The following ZBTB41 variants were observed in gnomAD, a reference collection of about 807,000 sequenced individuals.
The protein encoded by ZBTB41 is zinc finger and BTB domain containing 41, also known as zinc finger and BTB domain-containing protein 41.
A neutral mutation model predicts 87.6 loss-of-function variants in ZBTB41; 42 were observed. That is an observed-to-expected ratio of 0.48 (90% CI 0.37 to 0.62). ZBTB41 has a LOEUF of 0.62. ZBTB41 is among the 20% of genes least tolerant of loss of function. The probability of loss-of-function intolerance (pLI) is 0.00; values close to 1 mark genes in which losing one functional copy is unlikely to be tolerated. For missense variants in ZBTB41, 799 were observed against 1,078.9 expected (o/e 0.74, Z 3.63); for synonymous variants, 364 against 364.0 (o/e 1.00, Z 0.00).
At chr1:197,197,534 G>T (rs886311028) in intron 2 of ZBTB41, among the ~76,000 whole-genome samples, 1 of 49,730 alleles carries the variant, frequency 2.0e-5, no homozygotes, top group Non-Finnish European at 5.4e-5. Flanking sequence ...AAAGGAAGGG[G>T]AAGGGGACAG....
In ZBTB41 at chr1:197,180,973, C is replaced by T; in HGVS notation, c.1676+15G>A. The T allele has an allele frequency of 1.3e-6, 2 of 1,581,186 alleles. No homozygotes were observed. The highest frequency in any genetic ancestry group is 2.0e-5 in the Admixed American group (1 of 49,164). ...TAGTACTAGGATTTTTGTGGGTGTGCAGATAATTCTTCACCTTTCTCGTAC... is the reference window on the plus strand; with the variant it reads ...TAGTACTAGGATTTTTGTGGGTGTGTAGATAATTCTTCACCTTTCTCGTAC... On this transcript the variant is annotated intron_variant, in intron 6 of 10. Transcript: ENST00000367405.
At chr1:197,168,722 AC>A (rs1313488116) in intron 10 of ZBTB41, among the ~76,000 whole-genome samples, 1 of 152,116 alleles carries the variant, frequency 6.6e-6, no homozygotes, top group Non-Finnish European at 1.5e-5. Context: ...CTTAAAGAGG[AC>A]ACAAAAGAAC....
intron 5 of ZBTB41, among the ~76,000 whole-genome samples, chr1:197,185,099 T>C (rs544347766): frequency 1.3e-5 from 2 of 152,184 alleles, no homozygotes; most frequent in South Asian, 4.2e-4. Flanking sequence ...CAGGCGTGAG[T>C]CACCGCACAC....
intron 9 of ZBTB41, among the ~76,000 whole-genome samples, chr1:197,173,445 C>T (rs1435662483): frequency 6.6e-6 from 1 of 152,072 alleles, no homozygotes; most frequent in Non-Finnish European, 1.5e-5. Context: ...TGTTCTGTCA[C>T]CCAGACTAGG....
chr1:197,171,364 C>A (rs1449075727), intron 10 of ZBTB41, among the ~76,000 whole-genome samples: 1 of 151,876 alleles, frequency 6.6e-6, no homozygotes, highest in Non-Finnish European at 1.5e-5. Flanking sequence ...TAATATTGCC[C>A]AAATTCAGTT....
chr1:197,160,031 GAATAT>G lies in ZBTB41; in HGVS notation c.2075-22_2075-18del. ...GTTTTTCACCTATATGAATGAACAAGAATATAATTAGATGTAAAATGTACTCAACT... is the reference window on the plus strand; with the variant it reads ...GTTTTTCACCTATATGAATGAACAAGAATTAGATGTAAAATGTACTCAACT... On this transcript the variant is annotated intron_variant, in intron 10 of 10. Coordinates refer to ENST00000367405, the MANE Select transcript of ZBTB41 (RefSeq NM_194314.3). 6.3e-7 allele frequency: 1 copy of G among 1,586,234 alleles called. No homozygotes were observed. Among genetic ancestry groups the G allele is most frequent in the Non-Finnish European group, 8.6e-7 (1 of 1,160,296 alleles).
chr1:197,165,629 C>A (rs1036323407), intron 10 of ZBTB41, among the ~76,000 whole-genome samples: 2 of 149,482 alleles, frequency 1.3e-5, no homozygotes, highest in Non-Finnish European at 3.0e-5. Flanking sequence ...ACAAAAAAAA[C>A]AACAAAAAAA....
At chr1:197,180,089 C>T (rs972455353) in intron 6 of ZBTB41, among the ~76,000 whole-genome samples, 7 of 152,104 alleles carry the variant, frequency 4.6e-5, no homozygotes, top group South Asian at 2.1e-4. Flanking sequence ...TACTCATGAT[C>T]GGTAACCTAC....
Position 197,191,684 on chromosome 1 carries a change from A to C in ZBTB41, c.1328+8T>G, listed in dbSNP as rs770081041. ...TAAAGTATATTATGGAAGCAAGATA[A>C]TACTTGCCTCTTAACATGCTTGGCT... On this transcript the variant is annotated splice_region_variant and intron_variant, in intron 3 of 10. Transcript: ENST00000367405. The C allele has an allele frequency of 5.0e-6, 8 of 1,607,382 alleles. No homozygotes were observed. The highest frequency in any genetic ancestry group is 1.1e-5 in the South Asian group (1 of 90,010).
chr1:197,182,874 T>C (rs1659787273), intron 5 of ZBTB41, among the ~76,000 whole-genome samples: 1 of 152,150 alleles, frequency 6.6e-6, no homozygotes, highest in African/African-American at 2.4e-5. Flanking sequence ...CAGACCTATC[T>C]GAGTCAGACA....
chr1:197,167,976 C>G (rs978605942), intron 10 of ZBTB41, among the ~76,000 whole-genome samples: 1 of 151,984 alleles, frequency 6.6e-6, no homozygotes, highest in Non-Finnish European at 1.5e-5. Context: ...GAAAATGAAC[C>G]TGTCATTATT....
rs1659565909 is a variant in ZBTB41 at position 197,174,919 on chromosome 1, C to T, written c.1985+91G>A. On this transcript the variant is annotated intron_variant, in intron 9 of 10. Coordinates refer to ENST00000367405, the MANE Select transcript of ZBTB41 (RefSeq NM_194314.3). Reference sequence around the variant, plus strand: ...AGAGAAAGAGAACTGGTTAACCTAACTTCAATTAAACAAAGTAAACAAAAA... The same window carrying T: ...AGAGAAAGAGAACTGGTTAACCTAATTTCAATTAAACAAAGTAAACAAAAA... The T allele has an allele frequency of 7.4e-6, 7 of 949,588 alleles. No homozygotes were observed. In the South Asian group the frequency reaches 9.9e-5, roughly 13 times the overall value. 58.8% of individuals were successfully genotyped at this position (949,588 alleles called of 1,614,324 possible). A position where few individuals can be genotyped will look rare whatever the true frequency, so the allele number is the denominator to read the frequency against.
intron 5 of ZBTB41, among the ~76,000 whole-genome samples, chr1:197,187,868 G>A (rs1199926915): frequency 6.6e-6 from 1 of 152,172 alleles, no homozygotes; most frequent in East Asian, 1.9e-4. Context: ...GCCAGGGGTT[G>A]GTGTGGGAGA....
rs1652723362 is a variant in ZBTB41, at chr1:197,200,536, A to G, written c.-63T>C. On this transcript the variant is annotated 5_prime_UTR_variant, in exon 2 of 11. Transcript: ENST00000367405. ...TGTCTTAAGTGATTTATAAAGGAAA[A>G]CTAGATTGTCTTGGATAACAGCTTC... 6.8e-7 allele frequency: 1 copy of G among 1,474,378 alleles called. No homozygotes were observed. The highest frequency in any genetic ancestry group is 2.4e-5 in the Admixed American group (1 of 42,370). 91.3% of individuals were successfully genotyped at this position (1,474,378 alleles called of 1,614,324 possible).
intron 2 of ZBTB41, among the ~76,000 whole-genome samples, chr1:197,193,896 A>C (rs1248685720): frequency 6.6e-6 from 1 of 152,212 alleles, no homozygotes; most frequent in East Asian, 1.9e-4. Context: ...TGATTTTTTA[A>C]TAACTAAACT....
At chr1:197,164,790 TAC>T (rs1308847260) in intron 10 of ZBTB41, among the ~76,000 whole-genome samples, 83 of 99,186 alleles carry the variant, frequency 8.4e-4, no homozygotes, top group African/African-American at 2.1e-3. Flanking sequence ...TTATATATAA[TAC>T]ATATATAATA....
intron 10 of ZBTB41, among the ~76,000 whole-genome samples, chr1:197,168,133 T>G (rs77666570): frequency 0.021 from 3,107 of 151,402 alleles, 113 homozygotes; most frequent in African/African-American, 0.072. Context: ...AAATAAAAAA[T>G]AAAATTAAAA....
rs180789729 is a variant in ZBTB41, at chr1:197,196,077, T to A, written c.1120+3277A>T. Among the ~76,000 whole-genome samples, 4 of 152,252 alleles carry A rather than the reference T, an allele frequency of 2.6e-5. No homozygotes were observed. The East Asian group carries it at 7.7e-4, about 29-fold the overall frequency. On this transcript the variant is annotated intron_variant, in intron 2 of 10. Transcript: ENST00000367405. ...TTAGCTCAAATAAACAAGTGCTTAC[T>A]AAAAATTTATTTGAAATGACCTGAG...
chr1:197,174,971 G>A, intron 9 of ZBTB41, 39 bp downstream of exon 9: 1 of 1,518,572 alleles, frequency 6.6e-7, no homozygotes, highest in South Asian at 1.2e-5. Context: ...CAGAGACTTA[G>A]CCAATGTAAA....
Sources: allele counts gnomAD v4.1 joint callset (sites outside exome capture counted in the v4.1 genomes callset), GRCh38; gene constraint gnomAD v4.1.1; transcripts MANE v1.5; gene names NCBI Gene and HGNC (gene_info 2026-07-23, HGNC 2026-07-21).